Variants in LRRFIP2 observed in about 807,000 individuals in gnomAD.
LRRFIP2 encodes the protein leucine-rich repeat flightless-interacting protein 2.
LRRFIP2 carries 109 observed loss-of-function variants against 125.9 expected under a neutral mutation model. That is an observed-to-expected ratio of 0.87 (90% CI 0.74 to 1.01). The LOEUF (loss-of-function observed/expected upper bound fraction) is 1.01, where lower values mean the gene tolerates loss of function less well. Among genes scored for constraint, LRRFIP2 ranks in the 50% least tolerant of loss-of-function variants. The pLI, the probability that LRRFIP2 is intolerant of heterozygous loss-of-function variation, is 0.00. For missense variants in LRRFIP2, 850 were observed against 862.3 expected (o/e 0.99, Z 0.18); for synonymous variants, 291 against 293.1 (o/e 0.99, Z 0.07).
chr3:37,175,272 A>G (rs2096643367), upstream of LRRFIP2: 1 of 152,206 alleles, frequency 6.6e-6, no homozygotes, highest in African/African-American at 2.4e-5. Context: ...TTAGTCAATC[A>G]ATCCACTCTA....
chr3:37,103,865 A>T (rs2094191828), intron 14 of LRRFIP2, among the ~76,000 whole-genome samples: 1 of 152,232 alleles, frequency 6.6e-6, no homozygotes, highest in Non-Finnish European at 1.5e-5. Flanking sequence ...TGACTGGCTT[A>T]AAATAGTATT....
At chr3:37,099,314 C>T (rs528011079) in intron 15 of LRRFIP2, among the ~76,000 whole-genome samples, 1 of 152,282 alleles carries the variant, frequency 6.6e-6, no homozygotes, top group Non-Finnish European at 1.5e-5. Context: ...AAGAGTTCTA[C>T]ATGGCTGCAA....
At chr3:37,058,622 C>T (rs568236592) in intron 25 of LRRFIP2, among the ~76,000 whole-genome samples, 168 bp downstream of exon 25, 10 of 150,706 alleles carry the variant, frequency 6.6e-5, no homozygotes, top group South Asian at 2.1e-4. Flanking sequence ...CTGCAGTGAA[C>T]GGAGATTGCA....
At chr3:37,165,861 A>AAG (rs2096477149) in intron 1 of LRRFIP2, among the ~76,000 whole-genome samples, 1 of 150,072 alleles carries the variant, frequency 6.7e-6, no homozygotes, top group Non-Finnish European at 1.5e-5. Context: ...AAGAAAGAGA[A>AAG]AGAAAGAAAG....
chr3:37,069,260 A>C (rs59507229), intron 21 of LRRFIP2, among the ~76,000 whole-genome samples: 1 of 152,350 alleles, frequency 6.6e-6, no homozygotes, highest in African/African-American at 2.4e-5. Flanking sequence ...AAACAACTGA[A>C]GGCAGAGTCT....
rs60688555 is a variant in LRRFIP2, at chr3:37,161,179, TAAAAAAAA to T, written c.-55-12149_-55-12142del. Among the ~76,000 whole-genome samples, 7 of 88,120 alleles carry T rather than the reference TAAAAAAAA, an allele frequency of 7.9e-5. No individual in the cohort carries two copies. The East Asian group carries it at 2.8e-3, about 36-fold the overall frequency. The allele number at this position is 88,120 out of a possible 152,430, so 57.8% of individuals were successfully genotyped here. A position where few individuals can be genotyped will look rare whatever the true frequency, so the allele number is the denominator to read the frequency against. Reference sequence around the variant, plus strand: ...GTCAACATGGTGAAACCCCATCTACTAAAAAAAAAAAAAAAAAAAAGCAAAGATTAGCC... The same window carrying T: ...GTCAACATGGTGAAACCCCATCTACTAAAAAAAAAAAAGCAAAGATTAGCC... On this transcript the variant is annotated intron_variant, in intron 1 of 27. Transcript: ENST00000336686.
intron 18 of LRRFIP2, among the ~76,000 whole-genome samples, chr3:37,090,687 T>C (rs187422058): frequency 6.6e-6 from 1 of 152,296 alleles, no homozygotes; most frequent in Non-Finnish European, 1.5e-5. Context: ...GCCTCACACA[T>C]TTATATTGAA....
chr3:37,098,640 A>C (rs1197427727), intron 15 of LRRFIP2, among the ~76,000 whole-genome samples: 2 of 151,798 alleles, frequency 1.3e-5, no homozygotes, highest in Non-Finnish European at 2.9e-5. Flanking sequence ...TGATCCGCCC[A>C]CCTCAGCCTC....
In LRRFIP2 at chr3:37,053,124, T is replaced by A. The variant is rs1290508809; in HGVS notation, c.*727A>T. On this transcript the variant is annotated 3_prime_UTR_variant, in exon 28 of 28. Transcript: ENST00000336686. ...TTTCATTCCACAAATAAGCAGCAGA[T>A]AAAATACTTTACAAGGTACAGCACA... is the stretch of plus-strand genomic sequence containing the variant. The A allele has an allele frequency of 6.6e-6, 1 of 152,504 alleles. No homozygotes were observed. Among genetic ancestry groups the A allele is most frequent in the African/African-American group, 2.4e-5 (1 of 41,416 alleles). The allele number at this position is 152,504 out of a possible 1,614,324, so 9.4% of individuals were successfully genotyped here. A position where few individuals can be genotyped will look rare whatever the true frequency, so the allele number is the denominator to read the frequency against.
chr3:37,134,708 T>G, intron 2 of LRRFIP2: 1 of 763,378 alleles, frequency 1.3e-6, no homozygotes, highest in East Asian at 3.1e-5. Flanking sequence ...CCCATGACCC[T>G]CCAGCACAAT....
chr3:37,099,534 A>C (rs1304142703), intron 15 of LRRFIP2, among the ~76,000 whole-genome samples: 1 of 152,198 alleles, frequency 6.6e-6, no homozygotes, highest in Non-Finnish European at 1.5e-5. Context: ...TAACTTGATA[A>C]TGCTACTCAA....
chr3:37,129,829 C>T (rs962718397), intron 2 of LRRFIP2, among the ~76,000 whole-genome samples: 1 of 151,748 alleles, frequency 6.6e-6, no homozygotes, highest in African/African-American at 2.4e-5. Flanking sequence ...CCTGTCTCTA[C>T]TAAAAATAAA....
intron 2 of LRRFIP2, chr3:37,143,501 T>C (rs1207328535): frequency 2.9e-5 from 7 of 243,790 alleles, no homozygotes; most frequent in Middle Eastern, 1.9e-3. Flanking sequence ...TTTTATCATC[T>C]GGCATTAACA....
chr3:37,061,702 A>G (rs1430807678), intron 24 of LRRFIP2, among the ~76,000 whole-genome samples: 3 of 152,082 alleles, frequency 2.0e-5, no homozygotes, highest in Non-Finnish European at 2.9e-5. Context: ...TCTTTTCTTT[A>G]TAAATTACCC....
At chr3:37,081,612 G>A (rs888576619) in intron 19 of LRRFIP2, among the ~76,000 whole-genome samples, 20 of 152,036 alleles carry the variant, frequency 1.3e-4, no homozygotes, top group Admixed American at 1.2e-3. Context: ...GACCTGCCAC[G>A]GTGGCTCACA....
At chr3:37,134,944 C>T in intron 2 of LRRFIP2, 1 of 1,428,720 alleles carries the variant, frequency 7.0e-7, no homozygotes, top group South Asian at 1.1e-5. Context: ...TGGTTGCCTG[C>T]TTTAAAACTA....
intron 1 of LRRFIP2, among the ~76,000 whole-genome samples, chr3:37,162,421 T>G (rs1016638344): frequency 2.0e-5 from 3 of 152,160 alleles, no homozygotes; most frequent in African/African-American, 7.2e-5. Flanking sequence ...CAAAAGTAAT[T>G]CTGGAAACAA....
At chr3:37,170,481 T>C (rs931721) in intron 1 of LRRFIP2, 58,236 of 152,152 alleles carry the variant, frequency 0.38, 11,848 homozygotes, top group Non-Finnish European at 0.45. Context: ...TGATACTATA[T>C]AGTACCACAG....
At chr3:37,064,127 G>A (rs2089526908) in intron 23 of LRRFIP2, 5 of 262,466 alleles carry the variant, frequency 1.9e-5, no homozygotes, top group Non-Finnish European at 7.3e-6. Context: ...AATGTCAAGT[G>A]TGTTCCTAAA....
Sources: allele counts gnomAD v4.1 joint callset (sites outside exome capture counted in the v4.1 genomes callset), GRCh38; gene constraint gnomAD v4.1.1; transcripts MANE v1.5; gene names NCBI Gene and HGNC (gene_info 2026-07-23, HGNC 2026-07-21).